The following CANT1 variants were observed in gnomAD, a reference collection of about 807,000 sequenced individuals.
CANT1 encodes the protein soluble calcium-activated nucleotidase 1.
A neutral mutation model predicts 30.0 loss-of-function variants in CANT1; 26 were observed. The ratio of observed to expected loss-of-function variants is 0.87; its 90% CI spans 0.64 to 1.20. The LOEUF (loss-of-function observed/expected upper bound fraction) is 1.20. CANT1 is among the 50% of genes most tolerant of loss of function. The probability of loss-of-function intolerance (pLI) is 0.00; values close to 1 mark genes in which losing one functional copy is unlikely to be tolerated. For synonymous variants in CANT1, 246 were observed against 251.8 expected, an observed-to-expected ratio of 0.98 and a Z score of 0.22; for missense variants, 518 against 563.0, an observed-to-expected ratio of 0.92 and a Z score of 0.81.
Position 78,993,426 on chromosome 17 carries a change from G to T in CANT1, c.*124C>A. 1 of 1,442,494 alleles carries T rather than the reference G, an allele frequency of 6.9e-7. No homozygotes were observed. The highest frequency in any genetic ancestry group is 1.9e-5 in the Admixed American group (1 of 53,930). 89.4% of individuals were successfully genotyped at this position (1,442,494 alleles called of 1,614,324 possible). A position where few individuals can be genotyped will look rare whatever the true frequency, so the allele number is the denominator to read the frequency against. On this transcript the variant is annotated 3_prime_UTR_variant, in exon 5 of 5. Coordinates refer to ENST00000392446, the MANE Select transcript of CANT1 (RefSeq NM_001159773.2). The surrounding 1 kb of genome is among the most constrained non-coding windows in gnomAD (Gnocchi z 4.5). ...GCACCACTATGGGGCCCGGGACTGG[G>T]CTCCCTGTCCAGACCTCCAACCCAG...
At chr17:79,003,803 C>T (rs915792918) in intron 1 of CANT1, among the ~76,000 whole-genome samples, 5 of 151,162 alleles carry the variant, frequency 3.3e-5, no homozygotes, top group Non-Finnish European at 7.4e-5. Context: ...CCTGCTGCTG[C>T]CTGGAGAGCA....
chr17:79,005,268 T>G, intron 1 of CANT1: 1 of 148,790 alleles, frequency 6.7e-6, no homozygotes, highest in Non-Finnish European at 1.5e-5. Context: ...AGCGAGGAGT[T>G]AGGGAGCGGG....
chr17:78,997,287 G>T lies in CANT1; in HGVS notation c.336C>A (p.Asp112Glu), dbSNP rs749246739. Residue 112 changes from aspartate to glutamate, a missense_variant, in exon 3 of 5, where the codon GAC becomes GAA. Asp to Glu is a conservative substitution (Grantham distance 45). Transcript: ENST00000392446. The surrounding 1 kb of genome is among the most constrained non-coding windows in gnomAD (Gnocchi z 7.5). ...GIRYRIAVIA[D>E]LDTESRAQEE... ...CTTGGGCCCTTGACTCTGTGTCCAG[G>T]TCTGCGATAACTGCGATTCGATACC... is the stretch of plus-strand genomic sequence containing the variant. 21 of 1,614,030 alleles carry T rather than the reference G, an allele frequency of 1.3e-5. No individual in the cohort carries two copies. The highest frequency in any genetic ancestry group is 1.0e-5 in the Non-Finnish European group (12 of 1,180,042).
rs747431337 is a variant in CANT1 at position 78,992,733 on chromosome 17, C to G, written c.*817G>C. On this transcript the variant is annotated 3_prime_UTR_variant, in exon 5 of 5. Transcript: ENST00000392446. ...CATGTGAGACTTGCTTCACCAGCCG[C>G]CACCGCTTCCTTACAATCTCCCGCA... 1 of 596,520 alleles carries G rather than the reference C, an allele frequency of 1.7e-6. No homozygotes were observed. Among genetic ancestry groups the G allele is most frequent in the African/African-American group, 1.8e-5 (1 of 55,732 alleles). 37.0% of individuals were successfully genotyped at this position (596,520 alleles called of 1,614,324 possible).
At chr17:78,999,696 T>C (rs563159724) in intron 1 of CANT1, among the ~76,000 whole-genome samples, 18 of 142,356 alleles carry the variant, frequency 1.3e-4, no homozygotes, top group African/African-American at 4.7e-4. Context: ...TCTTATTGCC[T>C]AGGCTGGAGT....
rs752996676 is a variant in CANT1, at chr17:78,997,332, T to C, written c.291A>G (p.Gln97=). The C allele has an allele frequency of 6.2e-7, 1 of 1,614,062 alleles. No individual in the cohort carries two copies. The highest frequency in any genetic ancestry group is 8.5e-7 in the Non-Finnish European group (1 of 1,179,990). ...YNDTYPLSPP[Q]RTPAGIRYRI... ...GATACCGAATCCCAGCCGGTGTCCT[T>C]TGTGGGGGAGACAGGGGGTAGGTGT... The change falls in exon 3 of 5, where the codon CAA becomes CAG. Residue 97 remains glutamine (Q), a synonymous_variant. Coordinates refer to ENST00000392446, the MANE Select transcript of CANT1 (RefSeq NM_001159773.2). This position sits in a 1 kb window ranked among gnomAD's most constrained non-coding sequence, Gnocchi z 7.5.
chr17:78,997,488 C>G lies in CANT1; in HGVS notation c.135G>C (p.Val45=). 6.3e-7 allele frequency: 1 copy of G among 1,585,550 alleles called. No homozygotes were observed. The highest frequency in any genetic ancestry group is 8.6e-7 in the Non-Finnish European group (1 of 1,164,124). The change falls in exon 3 of 5, where the codon GTG becomes GTC. Residue 45 remains valine, a synonymous_variant. Transcript: ENST00000392446. This position sits in a 1 kb window ranked among gnomAD's most constrained non-coding sequence, Gnocchi z 7.5. ...CAGCACCCACAAAGAACGTCAGGAT[C>G]ACCTTCCAGCGGGGGCGGAAGCGGG... The part of the protein sequence containing the change: ...ADPRFRPRWK[V]ILTFFVGAAI...
chr17:78,994,901 C>T, intron 4 of CANT1, 117 bp downstream of exon 4: 2 of 1,091,458 alleles, frequency 1.8e-6, no homozygotes, highest in Non-Finnish European at 2.7e-6. Context: ...ACCGGGGTGA[C>T]AGAGCAAGAC....
chr17:79,001,211 T>C (rs2071248442), intron 1 of CANT1, among the ~76,000 whole-genome samples: 1 of 152,106 alleles, frequency 6.6e-6, no homozygotes, highest in South Asian at 2.1e-4. Context: ...ACCCCCATGT[T>C]CTTCCCTGTT....
intron 4 of CANT1, among the ~76,000 whole-genome samples, chr17:78,994,681 G>A (rs918733167): frequency 5.3e-5 from 8 of 152,324 alleles, no homozygotes; most frequent in Admixed American, 2.0e-4. Flanking sequence ...TTGGGAGGCC[G>A]AGGCAGGTGG....
Position 78,996,699 on chromosome 17 carries a change from G to A in CANT1, c.631+293C>T, listed in dbSNP as rs976805147. On this transcript the variant is annotated intron_variant, in intron 3 of 4. Coordinates refer to ENST00000392446, the MANE Select transcript of CANT1 (RefSeq NM_001159773.2). The surrounding 1 kb of genome is among the most constrained non-coding windows in gnomAD (Gnocchi z 5.1). ...AAAAGGGCGTGTTCCCAGAGGCTCC[G>A]AGAGCAGCAGCGGATACAGCCGAAA... Among the ~76,000 whole-genome samples, 2 of 152,176 alleles carry A rather than the reference G, an allele frequency of 1.3e-5. No individual in the cohort carries two copies. The highest frequency in any genetic ancestry group is 4.8e-5 in the African/African-American group (2 of 41,436).
In CANT1 at chr17:78,997,000, A is replaced by ACGGTGC. The variant is rs773550337; in HGVS notation, c.617_622dup (p.Gly206_Thr207dup). 6.2e-7 allele frequency: 1 copy of ACGGTGC among 1,613,950 alleles called. No homozygotes were observed. The highest frequency in any genetic ancestry group is 8.5e-7 in the Non-Finnish European group (1 of 1,179,994). The stretch of plus-strand genomic sequence containing the variant: ...CCTCAGGGTCCAGTTACCTTTCTCC[A>ACGGTGC]CGGTGCCGTCGCCGTCGGACAGAAT... On this transcript the variant is annotated inframe_insertion, in exon 3 of 5. Transcript: ENST00000392446. The surrounding 1 kb of genome is among the most constrained non-coding windows in gnomAD (Gnocchi z 5.1).
intron 1 of CANT1, among the ~76,000 whole-genome samples, chr17:78,999,315 G>C (rs2071157761): frequency 6.6e-6 from 1 of 152,142 alleles, no homozygotes. Flanking sequence ...CTGATCACCG[G>C]GGCCTTCCCG....
At chr17:79,007,325 T>C (rs1239480629) in intron 1 of CANT1, among the ~76,000 whole-genome samples, 2 of 152,238 alleles carry the variant, frequency 1.3e-5, no homozygotes, top group African/African-American at 4.8e-5. Flanking sequence ...GAAATCTCGA[T>C]AGTTCAGAGT....
At chr17:79,009,480 G>A (rs1287071030) in intron 1 of CANT1, among the ~76,000 whole-genome samples, 184 bp downstream of exon 1, 3 of 152,208 alleles carry the variant, frequency 2.0e-5, no homozygotes, top group South Asian at 2.1e-4. Flanking sequence ...CAGGTCAGAG[G>A]GCAGAGTCCC....
chr17:79,009,133 C>A (rs1184379181), intron 1 of CANT1, among the ~76,000 whole-genome samples: 2 of 151,476 alleles, frequency 1.3e-5, no homozygotes, highest in African/African-American at 4.9e-5. Context: ...ATGGTCCCCA[C>A]ACTAACCAGA....
rs1426823284 is a variant in CANT1, at chr17:78,997,212, T to A, written c.411A>T (p.Ser137=). The A allele has an allele frequency of 1.2e-6, 2 of 1,614,220 alleles. No homozygotes were observed. Among genetic ancestry groups the A allele is most frequent in the East Asian group, 4.5e-5 (2 of 44,890 alleles). ...SYLKKGYLTL[S]DSGDKVAVEW... ...CCACGGCCACCTTGTCCCCACTGTC[T>A]GACAGGGTCAGGTAGCCCTTTTTCA... The change falls in exon 3 of 5, where the codon TCA becomes TCT. Residue 137 remains serine (S), a synonymous_variant. Transcript: ENST00000392446. The surrounding 1 kb of genome is among the most constrained non-coding windows in gnomAD (Gnocchi z 7.5).
In CANT1 at chr17:78,997,403, C is replaced by T; in HGVS notation, c.220G>A (p.Ala74Thr). The change falls in exon 3 of 5, where the codon GCA (alanine) becomes ACA (threonine). Residue 74 changes from alanine to threonine, a missense_variant. By Grantham distance (58) the Ala-to-Thr change is moderately conservative (BLOSUM62 0). This residue lies in a region of CANT1 where 249 missense variants were observed against 268.8 expected (regional missense o/e 0.93). Transcript: ENST00000392446. The surrounding 1 kb of genome is among the most constrained non-coding windows in gnomAD (Gnocchi z 7.5). ...PAPGRPPTHNAHNWRLGQAPA... is the reference protein window; with the variant it reads ...PAPGRPPTHNTHNWRLGQAPA... Reference sequence around the variant, plus strand: ...GCCTGGCCGAGCCTCCAGTTGTGTGCATTGTGGGTGGGGGGCCTGCCGGGG... The same window carrying T: ...GCCTGGCCGAGCCTCCAGTTGTGTGTATTGTGGGTGGGGGGCCTGCCGGGG... 1.2e-6 allele frequency: 2 copies of T among 1,607,694 alleles called. No homozygotes were observed. The highest frequency in any genetic ancestry group is 1.7e-6 in the Non-Finnish European group (2 of 1,175,452).
In CANT1 at chr17:78,997,275, C is replaced by A; in HGVS notation, c.348G>T (p.Glu116Asp). 2 of 1,614,222 alleles carry A rather than the reference C, an allele frequency of 1.2e-6. No homozygotes were observed. Among genetic ancestry groups the A allele is most frequent in the Non-Finnish European group, 1.7e-6 (2 of 1,180,052 alleles). ...AGGTGTTTTCCTCTTGGGCCCTTGACTCTGTGTCCAGGTCTGCGATAACTG... is the reference window on the plus strand; with the variant it reads ...AGGTGTTTTCCTCTTGGGCCCTTGAATCTGTGTCCAGGTCTGCGATAACTG... ...RIAVIADLDT[E>D]SRAQEENTWF... Residue 116 changes from glutamate (E) to aspartate (D), a missense_variant, in exon 3 of 5, where the codon GAG becomes GAT. Glu to Asp is a conservative substitution (Grantham distance 45). Around this residue, in one of 3 missense-constraint regions of CANT1, gnomAD observed 249 missense variants for 268.8 expected, o/e 0.93. Coordinates refer to ENST00000392446, the MANE Select transcript of CANT1 (RefSeq NM_001159773.2). The surrounding 1 kb of genome is among the most constrained non-coding windows in gnomAD (Gnocchi z 7.5).
Sources: allele counts gnomAD v4.1 joint callset (sites outside exome capture counted in the v4.1 genomes callset), GRCh38; gene constraint gnomAD v4.1.1; regional missense constraint gnomAD v4.1.1; non-coding constraint Gnocchi (gnomAD v3.1); transcripts MANE v1.5; gene names NCBI Gene and HGNC (gene_info 2026-07-23, HGNC 2026-07-21).